The following STPG2 variants were observed in gnomAD, a reference collection of about 807,000 sequenced individuals.
STPG2 encodes the protein sperm-tail PG-rich repeat-containing protein 2.
In STPG2, 56 loss-of-function variants were observed where a neutral mutation model predicts 54.2. The ratio of observed to expected loss-of-function variants is 1.03; its 90% CI spans 0.83 to 1.29. The LOEUF (loss-of-function observed/expected upper bound fraction) is 1.29. Among genes scored for constraint, STPG2 ranks in the 50% most tolerant of loss-of-function variants. The pLI is 0.00. For synonymous variants in STPG2, 200 were observed against 181.8 expected (o/e 1.10, Z -0.81); for missense variants, 596 against 544.9 (o/e 1.09, Z -0.93).
chr4:97,635,218 G>A (rs1436266311), intron 10 of STPG2, among the ~76,000 whole-genome samples: 1 of 152,096 alleles, frequency 6.6e-6, no homozygotes, highest in Non-Finnish European at 1.5e-5. Context: ...TTTCAACCCA[G>A]AATTTCATAT....
chr4:97,476,698 G>A (rs560512117), intron 4 of STPG2, among the ~76,000 whole-genome samples: 2 of 152,196 alleles, frequency 1.3e-5, no homozygotes, highest in Admixed American at 6.5e-5. Context: ...TTATATTTTA[G>A]TTGAGCTTAT....
chr4:98,058,172 G>A (rs1435461704), intron 5 of STPG2, among the ~76,000 whole-genome samples: 1 of 152,016 alleles, frequency 6.6e-6, no homozygotes, highest in Non-Finnish European at 1.5e-5. Context: ...CAAAATAATC[G>A]GCTAACATCA....
intron 9 of STPG2, among the ~76,000 whole-genome samples, chr4:97,818,895 A>G (rs1399015176): frequency 6.7e-6 from 1 of 149,470 alleles, no homozygotes; most frequent in African/African-American, 2.4e-5. Context: ...ATCATTCTCA[A>G]ATTATGTGTA....
At chr4:97,898,379 T>A (rs34982650) in intron 8 of STPG2, among the ~76,000 whole-genome samples, 56,282 of 151,322 alleles carry the variant, frequency 0.37, 10,476 homozygotes, top group Middle Eastern at 0.45. Flanking sequence ...AATTACAGAA[T>A]TGTTGGAAAT....
chr4:97,837,932 A>G lies in STPG2; in HGVS notation c.1204+2841T>C, dbSNP rs146827612. Among the ~76,000 whole-genome samples, 471 of 151,690 alleles carry G rather than the reference A, an allele frequency of 3.1e-3. 1 individual carries two copies. Among genetic ancestry groups the G allele is most frequent in the African/African-American group, 0.011 (447 of 41,512 alleles). ...ACAAATGTAAGATATCCAGTAATCA[A>G]TTTTAATTTTCCAATAATTCTCTAT... is the stretch of plus-strand genomic sequence containing the variant. On this transcript the variant is annotated intron_variant, in intron 9 of 10. Transcript: ENST00000295268.
chr4:97,870,438 A>T (rs2149153109), intron 8 of STPG2, among the ~76,000 whole-genome samples: 1 of 151,576 alleles, frequency 6.6e-6, no homozygotes, highest in South Asian at 2.1e-4. Context: ...AAACAAAGGG[A>T]TTTCAAAAGT....
chr4:98,091,363 T>G (rs1578846611), intron 5 of STPG2, among the ~76,000 whole-genome samples: 1 of 152,004 alleles, frequency 6.6e-6, no homozygotes, highest in South Asian at 2.1e-4. Flanking sequence ...GCCCAAAATC[T>G]CCTATAGATA....
chr4:97,734,198 G>A (rs935329407), intron 9 of STPG2, among the ~76,000 whole-genome samples: 2 of 152,038 alleles, frequency 1.3e-5, no homozygotes, highest in Admixed American at 6.6e-5. Flanking sequence ...CTAATTTGTT[G>A]AGAATTTTTA....
At chr4:97,925,997 T>G (rs911235737) in intron 8 of STPG2, among the ~76,000 whole-genome samples, 8 of 152,310 alleles carry the variant, frequency 5.3e-5, no homozygotes, top group Admixed American at 1.3e-4. Flanking sequence ...CTTCACCTTT[T>G]CAGCTTTCCA....
At chr4:97,939,702 G>A (rs1732902258) in intron 8 of STPG2, among the ~76,000 whole-genome samples, 1 of 152,130 alleles carries the variant, frequency 6.6e-6, no homozygotes, top group African/African-American at 2.4e-5. Context: ...GTCATTACAT[G>A]TAAGATGGGT....
intron 5 of STPG2, among the ~76,000 whole-genome samples, chr4:98,022,441 G>A (rs1243629251): frequency 6.6e-6 from 1 of 152,134 alleles, no homozygotes; most frequent in Non-Finnish European, 1.5e-5. Context: ...CTCTCTGGCT[G>A]CCCCTAACAT....
intron 8 of STPG2, among the ~76,000 whole-genome samples, chr4:97,887,542 G>A (rs1730625123): frequency 6.6e-6 from 1 of 152,024 alleles, no homozygotes; most frequent in African/African-American, 2.4e-5. Context: ...TTCAAGATGT[G>A]GCCTGTCTGC....
intron 8 of STPG2, among the ~76,000 whole-genome samples, chr4:97,913,457 C>A (rs1731755967): frequency 6.6e-6 from 1 of 152,130 alleles, no homozygotes; most frequent in African/African-American, 2.4e-5. Context: ...ATGAATATGT[C>A]TGAAGTCAAG....
intron 4 of STPG2, among the ~76,000 whole-genome samples, chr4:97,487,401 A>T (rs1272049279): frequency 6.6e-6 from 1 of 151,656 alleles, no homozygotes; most frequent in Non-Finnish European, 1.5e-5. Flanking sequence ...TTGAACCTTT[A>T]AATTTAGTTT....
intron 4 of STPG2, among the ~76,000 whole-genome samples, chr4:97,545,652 C>CTGGAAAGAAGGTGAAGTTTCAAAATTTA (rs1560653571): frequency 1.3e-5 from 2 of 151,946 alleles, no homozygotes; most frequent in African/African-American, 4.8e-5. Context: ...CGTTAATGAT[C>CTGGAAAGAAGGTGAAGTTTCAAAATTTA]TGGAAAGAAG....
At chr4:97,467,495 T>A (rs1192865094) in intron 4 of STPG2, among the ~76,000 whole-genome samples, 1 of 151,900 alleles carries the variant, frequency 6.6e-6, no homozygotes, top group South Asian at 2.1e-4. Flanking sequence ...TAAAATAAAT[T>A]ACATATATAA....
intron 8 of STPG2, among the ~76,000 whole-genome samples, chr4:97,933,209 G>A (rs1363509913): frequency 1.3e-5 from 2 of 151,606 alleles, no homozygotes; most frequent in Admixed American, 1.3e-4. Context: ...ACTTTTTGAT[G>A]GGGTTGTTTT....
At chr4:98,094,538 G>A (rs1738788835) in intron 5 of STPG2, among the ~76,000 whole-genome samples, 1 of 152,178 alleles carries the variant, frequency 6.6e-6, no homozygotes, top group South Asian at 2.1e-4. Flanking sequence ...GCAGGCTTTT[G>A]GGGTCCCCGA....
chr4:97,982,221 C>A (rs1734705354), intron 5 of STPG2, among the ~76,000 whole-genome samples: 1 of 152,090 alleles, frequency 6.6e-6, no homozygotes, highest in Non-Finnish European at 1.5e-5. Context: ...TTCAAATTTA[C>A]AGAGAAGATG....
Sources: allele counts gnomAD v4.1 joint callset (sites outside exome capture counted in the v4.1 genomes callset), GRCh38; gene constraint gnomAD v4.1.1; transcripts MANE v1.5; gene names NCBI Gene and HGNC (gene_info 2026-07-23, HGNC 2026-07-21).